The following ZNF469 variants were observed in gnomAD, a reference collection of about 807,000 sequenced individuals.
ZNF469 encodes the protein zinc finger protein 469.
A neutral mutation model predicts 1.0 loss-of-function variants in ZNF469; 1 was observed. The observed-to-expected ratio is 1.00, with a 90% CI of 0.35 to 4.73. The LOEUF (loss-of-function observed/expected upper bound fraction) is 4.73, where lower values mean the gene tolerates loss of function less well. Among genes scored for constraint, ZNF469 ranks in the 30% most tolerant of loss-of-function variants. The pLI is 0.16. For synonymous variants in ZNF469, 2,703 were observed against 2,363.4 expected (o/e 1.14, Z -4.17); for missense variants, 6,100 against 5,356.3 (o/e 1.14, Z -4.33).
the ZNF469 span, among the ~76,000 whole-genome samples, chr16:88,367,966 T>C: frequency 6.6e-6 from 1 of 152,194 alleles, no homozygotes; most frequent in Admixed American, 6.5e-5. Context: ...CTTATCCTAA[T>C]GCCCGCAGAC....
chr16:88,417,970 G>C (rs1470773609), intron 1 of ZNF469, among the ~76,000 whole-genome samples: 1 of 152,218 alleles, frequency 6.6e-6, no homozygotes, highest in Non-Finnish European at 1.5e-5. Context: ...GTCCACGTGT[G>C]TGCTCACAGG....
the ZNF469 span, among the ~76,000 whole-genome samples, chr16:88,194,118 C>T: frequency 9.2e-5 from 14 of 152,318 alleles, no homozygotes; most frequent in African/African-American, 3.1e-4. Context: ...TTATTCCCCC[C>T]TCCGCCACAC....
At chr16:88,139,992 AT>A in the ZNF469 span, among the ~76,000 whole-genome samples, 1 of 152,242 alleles carries the variant, frequency 6.6e-6, no homozygotes, top group Non-Finnish European at 1.5e-5. Context: ...TTGAGCTCCA[AT>A]AAACAGCCAC....
the ZNF469 span, chr16:88,178,272 G>A: frequency 6.6e-6 from 1 of 152,122 alleles, no homozygotes; most frequent in South Asian, 2.1e-4. Flanking sequence ...GGAGGGAGGA[G>A]GAGGGTTTGA....
the ZNF469 span, among the ~76,000 whole-genome samples, chr16:88,275,708 G>A: frequency 1.3e-5 from 2 of 152,214 alleles, no homozygotes; most frequent in Admixed American, 1.3e-4. Flanking sequence ...TTTGTCACGA[G>A]CCTGATTTCC....
intron 1 of ZNF469, among the ~76,000 whole-genome samples, chr16:88,386,868 G>A (rs938343669): frequency 2.0e-5 from 3 of 149,778 alleles, no homozygotes; most frequent in African/African-American, 7.6e-5. Context: ...AGGTGGCTCA[G>A]GGCCTGTTTC....
chr16:88,245,440 C>T, the ZNF469 span, among the ~76,000 whole-genome samples: 3 of 152,250 alleles, frequency 2.0e-5, no homozygotes, highest in African/African-American at 4.8e-5. Context: ...CTCCCGCAGC[C>T]GCTGTGAGAC....
the ZNF469 span, among the ~76,000 whole-genome samples, chr16:88,127,227 G>A: frequency 6.6e-6 from 1 of 151,976 alleles, no homozygotes; most frequent in Non-Finnish European, 1.5e-5. Flanking sequence ...TTCCAGCGTT[G>A]TCCGCGTCAC....
Position 88,433,075 on chromosome 16 carries a change from C to T in ZNF469, c.5605C>T (p.Arg1869Trp), listed in dbSNP as rs1292024809. 23 of 1,550,186 alleles carry T rather than the reference C, an allele frequency of 1.5e-5. No homozygotes were observed. The highest frequency in any genetic ancestry group is 1.7e-4 in the Middle Eastern group (1 of 6,014). Residue 1869 changes from arginine (R) to tryptophan (W), a missense_variant, in exon 3 of 3, where the codon CGG becomes TGG. By Grantham distance (101) the Arg-to-Trp change is moderately radical (BLOSUM62 -3). Coordinates refer to ENST00000565624, the MANE Select transcript of ZNF469 (RefSeq NM_001367624.2). ...PAGASSLTAP[R>W]GREAWLVPVP... Reference sequence around the variant, plus strand: ...GGGGGCCTCCTCACTGACTGCCCCCCGGGGCAGGGAGGCTTGGTTGGTCCC... The same window carrying T: ...GGGGGCCTCCTCACTGACTGCCCCCTGGGGCAGGGAGGCTTGGTTGGTCCC...
At chr16:88,144,061 G>A in the ZNF469 span, among the ~76,000 whole-genome samples, 1 of 152,230 alleles carries the variant, frequency 6.6e-6, no homozygotes, top group Non-Finnish European at 1.5e-5. Context: ...CGCCTGCTGG[G>A]GAGACAGGAG....
chr16:88,243,997 A>AATGGATG, the ZNF469 span, among the ~76,000 whole-genome samples: 4 of 122,804 alleles, frequency 3.3e-5, no homozygotes, highest in Admixed American at 2.6e-4. Context: ...TCAATGAGTG[A>AATGGATG]ATGGATGGAT....
At chr16:88,188,531 A>G in the ZNF469 span, among the ~76,000 whole-genome samples, 2 of 142,564 alleles carry the variant, frequency 1.4e-5, no homozygotes, top group African/African-American at 2.5e-5. Context: ...TCTGGCCCCC[A>G]TGGTGCTCAG....
the ZNF469 span, among the ~76,000 whole-genome samples, chr16:88,371,852 TCATCAC>T: frequency 6.6e-6 from 1 of 150,610 alleles, no homozygotes; most frequent in Non-Finnish European, 1.5e-5. Flanking sequence ...ACCATCACCA[TCATCAC>T]CATCACCATC....
At chr16:88,287,422 C>G in the ZNF469 span, among the ~76,000 whole-genome samples, 3 of 152,206 alleles carry the variant, frequency 2.0e-5, no homozygotes, top group Non-Finnish European at 4.4e-5. Flanking sequence ...CCAGCGGAGC[C>G]CAGCCACCTC....
At chr16:88,272,996 G>A in the ZNF469 span, among the ~76,000 whole-genome samples, 1 of 151,564 alleles carries the variant, frequency 6.6e-6, no homozygotes, top group Non-Finnish European at 1.5e-5. Flanking sequence ...ACGGGTGGGT[G>A]TGTGGATAGA....
Position 88,434,889 on chromosome 16 carries a change from C to T in ZNF469, c.7419C>T (p.Thr2473=). 2 of 1,550,360 alleles carry T rather than the reference C, an allele frequency of 1.3e-6. No homozygotes were observed. The highest frequency in any genetic ancestry group is 1.7e-6 in the Non-Finnish European group (2 of 1,146,994). The change falls in exon 3 of 3, where the codon ACC becomes ACT. Residue 2473 remains threonine (T), a synonymous_variant. Transcript: ENST00000565624. ...GCCAAGCTCCACATGGGCCTGTGAC[C>T]TGTGAGGTCTGCGCAGCCTCCTTCC... is the stretch of plus-strand genomic sequence containing the variant. The part of the protein sequence containing the change: ...WKGQAPHGPV[T]CEVCAASFRS...
chr16:88,283,386 C>T, the ZNF469 span, among the ~76,000 whole-genome samples: 3 of 151,836 alleles, frequency 2.0e-5, no homozygotes, highest in Middle Eastern at 3.5e-3. Flanking sequence ...GGACACCTGC[C>T]GTTTACTTTG....
chr16:88,196,213 C>A, the ZNF469 span, among the ~76,000 whole-genome samples: 1 of 152,122 alleles, frequency 6.6e-6, no homozygotes, highest in Non-Finnish European at 1.5e-5. Flanking sequence ...GAGTACCTGT[C>A]GGGACAGCAT....
intron 1 of ZNF469, among the ~76,000 whole-genome samples, chr16:88,389,372 C>T (rs1033581305): frequency 4.6e-5 from 7 of 152,244 alleles, no homozygotes; most frequent in East Asian, 3.8e-4. Flanking sequence ...TGTTCTGCCC[C>T]GTGGACGGAG....
Sources: allele counts gnomAD v4.1 joint callset (sites outside exome capture counted in the v4.1 genomes callset), GRCh38; gene constraint gnomAD v4.1.1; transcripts MANE v1.5; gene names NCBI Gene and HGNC (gene_info 2026-07-23, HGNC 2026-07-21).